The following BRWD1 variants were observed in gnomAD, a reference collection of about 807,000 sequenced individuals.
BRWD1 encodes bromodomain and WD repeat domain containing 1.
BRWD1 carries 82 observed loss-of-function variants against 251.2 expected under a neutral mutation model. The observed-to-expected ratio is 0.33, with a 90% CI of 0.27 to 0.39. BRWD1 has a LOEUF of 0.39. Ranked by LOEUF, BRWD1 falls within the 10% of genes least tolerant of loss-of-function variation. The pLI is 1.00. For missense variants in BRWD1, 2,233 were observed against 2,711.6 expected (o/e 0.82, Z 3.92); for synonymous variants, 918 against 902.8 (o/e 1.02, Z -0.30).
At chr21:39,240,803 A>G (rs1389088505) in intron 21 of BRWD1, among the ~76,000 whole-genome samples, 1 of 152,234 alleles carries the variant, frequency 6.6e-6, no homozygotes, top group African/African-American at 2.4e-5. Context: ...CTTTTGAAAT[A>G]TTTGTACTAA....
At chr21:39,266,531 C>T (rs1230579032) in intron 15 of BRWD1, among the ~76,000 whole-genome samples, 1 of 152,126 alleles carries the variant, frequency 6.6e-6, no homozygotes, top group African/African-American at 2.4e-5. Context: ...AGCAACTCTG[C>T]CCATCATACA....
chr21:39,295,560 C>T (rs950581832), intron 7 of BRWD1, among the ~76,000 whole-genome samples, 183 bp downstream of exon 7: 1 of 152,160 alleles, frequency 6.6e-6, no homozygotes, highest in African/African-American at 2.4e-5. Context: ...TCTTTCAAAA[C>T]AGCACAGAGT....
At chr21:39,255,020 AC>A (rs2034515537) in intron 19 of BRWD1, among the ~76,000 whole-genome samples, 1 of 152,240 alleles carries the variant, frequency 6.6e-6, no homozygotes, top group African/African-American at 2.4e-5. Context: ...CTTTAGAAAT[AC>A]ACACTTATAC....
intron 5 of BRWD1, chr21:39,297,249 C>T: frequency 1.0e-5 from 10 of 985,488 alleles, no homozygotes; most frequent in Non-Finnish European, 1.2e-5. Context: ...TAAACCTCTA[C>T]TGAGCCTCGG....
rs1374232050 is a variant in BRWD1 at position 39,253,156 on chromosome 21, A to C, written c.2256-2267T>G. ...AATACAAAATTAGCCGGGTGTGGTGACCCATGACTGTAATCCCAGCTACTC... is the reference window on the plus strand; with the variant it reads ...AATACAAAATTAGCCGGGTGTGGTGCCCCATGACTGTAATCCCAGCTACTC... On this transcript the variant is annotated intron_variant, in intron 19 of 40. Coordinates refer to ENST00000342449, the MANE Select transcript of BRWD1 (RefSeq NM_033656.4). 2.0e-5 allele frequency among the ~76,000 whole-genome samples: 3 copies of C among 151,836 alleles called. No individual in the cohort carries two copies. In the East Asian group the frequency reaches 5.8e-4, roughly 29 times the overall value.
At chr21:39,281,106 G>A (rs1335377899) in intron 8 of BRWD1, among the ~76,000 whole-genome samples, 2 of 152,160 alleles carry the variant, frequency 1.3e-5, no homozygotes, top group Non-Finnish European at 2.9e-5. Context: ...AGATCTATAT[G>A]AACAAAGTGT....
At chr21:39,216,459 G>A (rs1412794271) in intron 31 of BRWD1, among the ~76,000 whole-genome samples, 1 of 152,166 alleles carries the variant, frequency 6.6e-6, no homozygotes, top group East Asian at 1.9e-4. Flanking sequence ...CCCTTCTCCA[G>A]CCAGGCCTGA....
chr21:39,200,608 T>C, intron 38 of BRWD1: 1 of 314,930 alleles, frequency 3.2e-6, no homozygotes. Flanking sequence ...TTTAATTATA[T>C]TTCTAAAAAT....
At chr21:39,225,629 A>G (rs2033352303) in intron 27 of BRWD1, among the ~76,000 whole-genome samples, 1 of 152,184 alleles carries the variant, frequency 6.6e-6, no homozygotes, top group African/African-American at 2.4e-5. Flanking sequence ...AGAAATAATC[A>G]AAATTAAAGC....
intron 4 of BRWD1, among the ~76,000 whole-genome samples, chr21:39,307,586 G>A (rs1387125850): frequency 6.6e-6 from 1 of 152,246 alleles, no homozygotes; most frequent in African/African-American, 2.4e-5. Flanking sequence ...CAAACTGGGA[G>A]GAGACTGGTA....
At chr21:39,232,812 G>A (rs2033669255) in intron 23 of BRWD1, among the ~76,000 whole-genome samples, 1 of 152,056 alleles carries the variant, frequency 6.6e-6, no homozygotes, top group South Asian at 2.1e-4. Context: ...AGCCTGTTCT[G>A]CCAAGACTCC....
chr21:39,226,443 A>G (rs1274302227), intron 27 of BRWD1, among the ~76,000 whole-genome samples: 2 of 152,168 alleles, frequency 1.3e-5, no homozygotes, highest in Non-Finnish European at 2.9e-5. Context: ...AAAACCACTA[A>G]ATTACAGGAG....
At chr21:39,288,560 T>A (rs2035711287) in intron 8 of BRWD1, among the ~76,000 whole-genome samples, 1 of 152,224 alleles carries the variant, frequency 6.6e-6, no homozygotes, top group Admixed American at 6.5e-5. Context: ...ACGCAGGGGT[T>A]AGGGTACCAA....
intron 1 of BRWD1, among the ~76,000 whole-genome samples, chr21:39,320,634 G>A (rs945357196): frequency 2.0e-5 from 3 of 148,024 alleles, no homozygotes; most frequent in South Asian, 2.1e-4. Flanking sequence ...TACCCAAGCC[G>A]TTAATCTCTT....
At chr21:39,210,753 A>C in intron 35 of BRWD1, 33 bp downstream of exon 35, 1 of 1,564,586 alleles carries the variant, frequency 6.4e-7, no homozygotes, top group Non-Finnish European at 8.6e-7. Flanking sequence ...CAAAACAAGA[A>C]AAGCCCCAAA....
intron 37 of BRWD1, among the ~76,000 whole-genome samples, chr21:39,204,852 C>T (rs1375259472): frequency 2.0e-5 from 3 of 152,168 alleles, no homozygotes; most frequent in African/African-American, 4.8e-5. Flanking sequence ...AATGCCCCCA[C>T]GGATCTGACA....
At position 39,189,483 on chromosome 21, in the gene BRWD1, G is replaced by GAA; in HGVS notation, c.*6774_*6775dup. ...TAATGGAAAAGTTAAGATTCTGCAG[G>GAA]AAAAAAAAAACTAAAATCAGGTTTT... On this transcript the variant is annotated 3_prime_UTR_variant, in exon 41 of 41. Transcript: ENST00000342449. 1.7e-5 allele frequency: 15 copies of GAA among 893,436 alleles called. No homozygotes were observed. The highest frequency in any genetic ancestry group is 1.3e-4 in the African/African-American group (7 of 54,728). 55.3% of individuals were successfully genotyped at this position (893,436 alleles called of 1,614,324 possible). A position where few individuals can be genotyped will look rare whatever the true frequency, so the allele number is the denominator to read the frequency against.
chr21:39,264,225 T>C (rs1318167751), intron 17 of BRWD1, among the ~76,000 whole-genome samples: 1 of 152,170 alleles, frequency 6.6e-6, no homozygotes, highest in Non-Finnish European at 1.5e-5. Context: ...TAAAACGTCC[T>C]AATTGTCATA....
At chr21:39,274,857 T>C (rs1007629426) in intron 12 of BRWD1, among the ~76,000 whole-genome samples, 1 of 152,150 alleles carries the variant, frequency 6.6e-6, no homozygotes, top group East Asian at 1.9e-4. Flanking sequence ...CTGACCAACA[T>C]GGTGAAACCC....
Sources: gnomAD v4.1 joint callset for allele counts (sites outside exome capture counted in the v4.1 genomes callset) on GRCh38, gnomAD v4.1.1 for gene constraint, MANE v1.5 for transcripts, NCBI Gene and HGNC (gene_info 2026-07-23, HGNC 2026-07-21) for gene names.